Variants in TBC1D19 observed in about 807,000 individuals in gnomAD.
The protein encoded by TBC1D19 is TBC1 domain family, member 19.
A neutral mutation model predicts 89.0 loss-of-function variants in TBC1D19; 60 were observed. The observed-to-expected ratio is 0.67, with a 90% CI of 0.55 to 0.84. The LOEUF is 0.84. Among genes scored for constraint, TBC1D19 ranks in the 40% least tolerant of loss-of-function variants. TBC1D19 has a pLI of 0.00. For missense variants in TBC1D19, 500 were observed against 610.8 expected, an observed-to-expected ratio of 0.82 and a Z score of 1.91; for synonymous variants, 189 against 199.7, an observed-to-expected ratio of 0.95 and a Z score of 0.45.
At chr4:26,604,051 AT>A (rs1194670801) in intron 1 of TBC1D19, among the ~76,000 whole-genome samples, 3 of 152,114 alleles carry the variant, frequency 2.0e-5, no homozygotes. Flanking sequence ...CATAAGTGGA[AT>A]CATATGGTAT....
intron 13 of TBC1D19, among the ~76,000 whole-genome samples, chr4:26,714,807 C>T (rs1335701268): frequency 6.6e-6 from 1 of 152,052 alleles, no homozygotes; most frequent in Non-Finnish European, 1.5e-5. Context: ...GAAATGCTTT[C>T]TGATTACACA....
At chr4:26,698,660 C>T (rs779577297) in intron 13 of TBC1D19, among the ~76,000 whole-genome samples, 2 of 152,142 alleles carry the variant, frequency 1.3e-5, no homozygotes, top group African/African-American at 2.4e-5. Flanking sequence ...GCTACCAAAA[C>T]AGAGATATAG....
At chr4:26,653,588 T>TA (rs1744564842) in intron 7 of TBC1D19, among the ~76,000 whole-genome samples, 1 of 152,208 alleles carries the variant, frequency 6.6e-6, no homozygotes, top group Non-Finnish European at 1.5e-5. Context: ...TTAGGATAGT[T>TA]AGCTTGTCTT....
intron 4 of TBC1D19, among the ~76,000 whole-genome samples, chr4:26,621,227 G>A (rs1359697593): frequency 1.3e-5 from 2 of 152,174 alleles, no homozygotes; most frequent in Middle Eastern, 3.2e-3. Context: ...ACTATGAATA[G>A]TTGTTAAAAT....
Position 26,614,439 on chromosome 4 carries a change from T to C in TBC1D19, c.204T>C (p.Tyr68=). 2 of 1,594,636 alleles carry C rather than the reference T, an allele frequency of 1.3e-6. No individual in the cohort carries two copies. The highest frequency in any genetic ancestry group is 1.2e-5 in the South Asian group (1 of 84,752). The change falls in exon 3 of 21, where the codon TAT becomes TAC. Residue 68 remains tyrosine (Y), a synonymous_variant. Transcript: ENST00000264866. ...GWEKKLQNAV[Y]SELSVFPLPS... ...AGAAGAAACTTCAGAATGCTGTTTA[T>C]AGTGAACTGAGTGTGTGAGTTTTCC...
intron 7 of TBC1D19, among the ~76,000 whole-genome samples, chr4:26,654,761 C>T (rs1744670285): frequency 6.6e-6 from 1 of 152,118 alleles, no homozygotes; most frequent in Non-Finnish European, 1.5e-5. Context: ...ATTGGTTATT[C>T]TAGTTAGTCA....
chr4:26,725,500 C>T (rs1234986378), intron 15 of TBC1D19, among the ~76,000 whole-genome samples: 1 of 152,106 alleles, frequency 6.6e-6, no homozygotes, highest in African/African-American at 2.4e-5. Flanking sequence ...CAGCCTCGAC[C>T]TCCTGGGCTT....
chr4:26,821,074 G>A, the TBC1D19 span, among the ~76,000 whole-genome samples: 2,878 of 152,236 alleles, frequency 0.019, 49 homozygotes, highest in African/African-American at 0.046. Context: ...CCAATATGGC[G>A]CCTGGAAGAA....
At chr4:26,695,942 T>G (rs1714736943) in intron 13 of TBC1D19, among the ~76,000 whole-genome samples, 1 of 152,170 alleles carries the variant, frequency 6.6e-6, no homozygotes, top group South Asian at 2.1e-4. Context: ...AGGAAGAAAC[T>G]GCATCAACTA....
intron 7 of TBC1D19, among the ~76,000 whole-genome samples, chr4:26,653,782 G>A (rs764361446): frequency 6.6e-6 from 1 of 152,116 alleles, no homozygotes; most frequent in African/African-American, 2.4e-5. Context: ...CATGTGAGAT[G>A]AGTCTCCTGA....
At chr4:26,820,229 A>G in the TBC1D19 span, among the ~76,000 whole-genome samples, 1 of 151,358 alleles carries the variant, frequency 6.6e-6, no homozygotes, top group African/African-American at 2.4e-5. Context: ...ATTGTTATTC[A>G]CTATGGTTAC....
chr4:26,769,789 C>A, the TBC1D19 span, among the ~76,000 whole-genome samples: 3 of 152,032 alleles, frequency 2.0e-5, no homozygotes, highest in Admixed American at 2.0e-4. Flanking sequence ...CTCAAGCAAT[C>A]CACCCTCCTC....
rs371480773 is a variant in TBC1D19, at chr4:26,724,933, A to G, written c.1084+4808A>G. Among the ~76,000 whole-genome samples the G allele has an allele frequency of 5.3e-5, 8 of 152,310 alleles. No individual in the cohort carries two copies. The South Asian group carries it at 1.0e-3, about 20-fold the overall frequency. ...CTTCTCCTAGGTGGCTGCAGCTAGT[A>G]TATATTTTCCTTTAAATGCTTTTGA... is the stretch of plus-strand genomic sequence containing the variant. On this transcript the variant is annotated intron_variant, in intron 15 of 20. Coordinates refer to ENST00000264866, the MANE Select transcript of TBC1D19 (RefSeq NM_018317.4).
intron 15 of TBC1D19, among the ~76,000 whole-genome samples, chr4:26,722,720 T>C (rs1717057611): frequency 6.6e-6 from 1 of 152,200 alleles, no homozygotes; most frequent in South Asian, 2.1e-4. Flanking sequence ...AGTATAGTTA[T>C]AGCAGCAGCA....
chr4:26,696,135 A>G (rs959420111), intron 13 of TBC1D19, among the ~76,000 whole-genome samples: 1 of 152,246 alleles, frequency 6.6e-6, no homozygotes, highest in African/African-American at 2.4e-5. Context: ...AGAGGCACAC[A>G]TAGGCTCAAA....
At chr4:26,720,208 T>G in intron 15 of TBC1D19, 83 bp downstream of exon 15, 1 of 980,802 alleles carries the variant, frequency 1.0e-6, no homozygotes, top group Non-Finnish European at 1.5e-6. Context: ...TCTTATTCTC[T>G]TTAATGGATA....
intron 1 of TBC1D19, chr4:26,576,944 AT>A: frequency 4.7e-6 from 2 of 428,962 alleles, no homozygotes; most frequent in Admixed American, 5.1e-5. Context: ...AGGTGTTGCT[AT>A]AAAGGTATTT....
At chr4:26,786,834 C>T in the TBC1D19 span, among the ~76,000 whole-genome samples, 1 of 151,492 alleles carries the variant, frequency 6.6e-6, no homozygotes, top group African/African-American at 2.4e-5. Context: ...CCAGATGGGG[C>T]CGAATGGCCG....
intron 10 of TBC1D19, among the ~76,000 whole-genome samples, 192 bp downstream of exon 10, chr4:26,672,379 T>C (rs902434704): frequency 6.6e-6 from 1 of 151,942 alleles, no homozygotes; most frequent in Non-Finnish European, 1.5e-5. Flanking sequence ...TTTGGCTTTG[T>C]CAATAAATGT....
Sources: allele counts gnomAD v4.1 joint callset (sites outside exome capture counted in the v4.1 genomes callset), GRCh38; gene constraint gnomAD v4.1.1; transcripts MANE v1.5; gene names NCBI Gene and HGNC (gene_info 2026-07-23, HGNC 2026-07-21).